Variants in SRGAP1 observed in about 807,000 individuals in gnomAD.
SRGAP1 encodes SLIT-ROBO Rho GTPase activating protein 1, also known as SLIT-ROBO Rho GTPase-activating protein 1.
A neutral mutation model predicts 121.9 loss-of-function variants in SRGAP1; 43 were observed. The observed-to-expected ratio is 0.35, with a 90% CI of 0.28 to 0.46. The LOEUF (loss-of-function observed/expected upper bound fraction) is 0.46. Among genes scored for constraint, SRGAP1 ranks in the 20% least tolerant of loss-of-function variants. SRGAP1 has a pLI of 1.00. For missense variants in SRGAP1, 1,102 were observed against 1,350.9 expected (o/e 0.82, Z 2.89); for synonymous variants, 447 against 485.4 (o/e 0.92, Z 1.04).
At chr12:64,012,843 AC>A (rs1459231730) in intron 3 of SRGAP1, among the ~76,000 whole-genome samples, 4 of 151,638 alleles carry the variant, frequency 2.6e-5, no homozygotes, top group Admixed American at 2.6e-4. Context: ...GAGCCACTAC[AC>A]CCGGCCTGTT....
chr12:63,992,936 AG>A (rs745947534), intron 3 of SRGAP1, among the ~76,000 whole-genome samples: 3 of 152,172 alleles, frequency 2.0e-5, no homozygotes, highest in Admixed American at 1.3e-4. Flanking sequence ...ACCACCTGGA[AG>A]GGTAACAAGT....
At chr12:64,114,773 G>A (rs1364331205) in intron 17 of SRGAP1, among the ~76,000 whole-genome samples, 6 of 152,152 alleles carry the variant, frequency 3.9e-5, no homozygotes, top group East Asian at 1.9e-4. Context: ...TTTTGTGATC[G>A]CTACTTTTTC....
chr12:64,043,637 G>A (rs185604054), intron 6 of SRGAP1, 62 bp downstream of exon 6: 72 of 1,326,886 alleles, frequency 5.4e-5, no homozygotes, highest in Middle Eastern at 2.1e-4. Flanking sequence ...ACCATATTTC[G>A]TTGATTGGAA....
At chr12:63,855,564 C>T (rs982248009) in intron 1 of SRGAP1, among the ~76,000 whole-genome samples, 5 of 131,662 alleles carry the variant, frequency 3.8e-5, no homozygotes, top group Admixed American at 9.1e-5. Context: ...CTCTATGGCT[C>T]ACTGCAACCT....
chr12:64,044,461 T>C (rs1191924128), intron 6 of SRGAP1, among the ~76,000 whole-genome samples: 3 of 152,122 alleles, frequency 2.0e-5, no homozygotes, highest in Non-Finnish European at 4.4e-5. Context: ...TTGTATTGCC[T>C]GGATTCAACA....
intron 21 of SRGAP1, among the ~76,000 whole-genome samples, chr12:64,136,379 T>C (rs954246294): frequency 3.3e-5 from 5 of 152,152 alleles, no homozygotes; most frequent in Admixed American, 6.6e-5. Context: ...AATATATGTA[T>C]GTTTATAATC....
At chr12:64,070,741 A>G (rs565445680) in intron 8 of SRGAP1, among the ~76,000 whole-genome samples, 29 of 152,326 alleles carry the variant, frequency 1.9e-4, no homozygotes, top group African/African-American at 7.0e-4. Context: ...TTAGGCAAAC[A>G]TTTGAGACAA....
rs1233503449 is a variant in SRGAP1 at position 64,157,767 on chromosome 12, CAA to C, written c.*15096_*15097del. On this transcript the variant is annotated 3_prime_UTR_variant, in exon 22 of 22. Coordinates refer to ENST00000355086, the MANE Select transcript of SRGAP1 (RefSeq NM_020762.4). ...CTCAATTGTTAGCTGTGTGATTTCACAAGAGATAACTGATGCTAGCTGCTGTA... is the reference window on the plus strand; with the variant it reads ...CTCAATTGTTAGCTGTGTGATTTCACGAGATAACTGATGCTAGCTGCTGTA... 5 of 151,590 alleles carry C rather than the reference CAA, an allele frequency of 3.3e-5. No homozygotes were observed. Among genetic ancestry groups the C allele is most frequent in the Non-Finnish European group, 5.9e-5 (4 of 67,918 alleles). The allele number at this position is 151,590 out of a possible 1,614,324, so 9.4% of individuals were successfully genotyped here. A position where few individuals can be genotyped will look rare whatever the true frequency, so the allele number is the denominator to read the frequency against.
At chr12:63,980,956 T>C (rs1445234007) in intron 1 of SRGAP1, among the ~76,000 whole-genome samples, 3 of 152,168 alleles carry the variant, frequency 2.0e-5, no homozygotes, top group Admixed American at 1.3e-4. Flanking sequence ...ATCTTTCTTA[T>C]GATCCTTTCC....
At chr12:64,087,165 GA>G (rs1241246318) in intron 11 of SRGAP1, 139 bp downstream of exon 11, 1 of 597,190 alleles carries the variant, frequency 1.7e-6, no homozygotes, top group East Asian at 3.1e-5. Context: ...ATAGCAACAT[GA>G]AATGTTTGGG....
intron 1 of SRGAP1, among the ~76,000 whole-genome samples, chr12:63,949,395 AT>A (rs1280848053): frequency 8.0e-5 from 8 of 100,390 alleles, no homozygotes; most frequent in South Asian, 3.7e-4. Flanking sequence ...CATTTTTATT[AT>A]TTATTATTAT....
At chr12:63,923,863 C>G (rs2031157984) in intron 1 of SRGAP1, among the ~76,000 whole-genome samples, 1 of 152,226 alleles carries the variant, frequency 6.6e-6, no homozygotes, top group South Asian at 2.1e-4. Flanking sequence ...ATGAGCTCAG[C>G]TGGGCATGGT....
intron 1 of SRGAP1, among the ~76,000 whole-genome samples, chr12:63,975,976 T>G (rs1324385130): frequency 1.3e-5 from 2 of 152,182 alleles, no homozygotes; most frequent in African/African-American, 2.4e-5. Flanking sequence ...TTTCATAAGG[T>G]GTCGGATGCT....
intron 15 of SRGAP1, among the ~76,000 whole-genome samples, chr12:64,105,736 A>C (rs1030057812): frequency 3.3e-5 from 5 of 152,120 alleles, no homozygotes; most frequent in Admixed American, 2.0e-4. Flanking sequence ...GTTAGCTGAC[A>C]TCACCCCACT....
intron 4 of SRGAP1, among the ~76,000 whole-genome samples, chr12:64,022,032 C>A (rs2034561267): frequency 6.6e-6 from 1 of 152,188 alleles, no homozygotes; most frequent in South Asian, 2.1e-4. Context: ...CACTGGCAGT[C>A]AGCAAGCTTA....
At chr12:63,980,918 G>A (rs2033228904) in intron 1 of SRGAP1, among the ~76,000 whole-genome samples, 1 of 151,970 alleles carries the variant, frequency 6.6e-6, no homozygotes, top group Non-Finnish European at 1.5e-5. Flanking sequence ...TCTTATGGTA[G>A]TAGTTTTCTG....
intron 6 of SRGAP1, among the ~76,000 whole-genome samples, chr12:64,049,588 A>G (rs556339210): frequency 1.3e-5 from 2 of 152,158 alleles, no homozygotes; most frequent in Non-Finnish European, 2.9e-5. Context: ...ACATGTGGGG[A>G]TTATGGGAAC....
intron 3 of SRGAP1, among the ~76,000 whole-genome samples, chr12:63,997,875 T>G (rs2033757453): frequency 1.3e-5 from 2 of 152,240 alleles, no homozygotes; most frequent in African/African-American, 4.8e-5. Flanking sequence ...TGACGGCAGA[T>G]TCTACATGGG....
At chr12:63,895,597 A>G (rs2136300861) in intron 1 of SRGAP1, among the ~76,000 whole-genome samples, 1 of 152,072 alleles carries the variant, frequency 6.6e-6, no homozygotes, top group South Asian at 2.1e-4. Flanking sequence ...CTGAATTTGA[A>G]CTCCACATTC....
Sources: allele counts gnomAD v4.1 joint callset (sites outside exome capture counted in the v4.1 genomes callset), GRCh38; gene constraint gnomAD v4.1.1; transcripts MANE v1.5; gene names NCBI Gene and HGNC (gene_info 2026-07-23, HGNC 2026-07-21).